PDE1C: variants seen among roughly 807,000 people sequenced by gnomAD.
PDE1C encodes the protein phosphodiesterase 1C, also known as dual specificity calcium/calmodulin-dependent 3',5'-cyclic nucleotide phosphodiesterase 1C.
Under a neutral mutation model 93.1 loss-of-function variants are expected in PDE1C, and 62 were observed. The ratio of observed to expected loss-of-function variants is 0.67; its 90% CI spans 0.54 to 0.82. The LOEUF (loss-of-function observed/expected upper bound fraction) is 0.82, where lower values mean the gene tolerates loss of function less well. Among genes scored for constraint, PDE1C ranks in the 40% least tolerant of loss-of-function variants. PDE1C has a pLI of 0.00. For missense variants in PDE1C, 742 were observed against 884.6 expected (o/e 0.84, Z 2.04); for synonymous variants, 325 against 310.1 (o/e 1.05, Z -0.50).
intron 3 of PDE1C, among the ~76,000 whole-genome samples, chr7:32,106,239 A>T (rs554365315): frequency 6.6e-6 from 1 of 152,042 alleles, no homozygotes; most frequent in South Asian, 2.1e-4. Flanking sequence ...GGCTGGTTTC[A>T]TGACCCTGGC....
rs377123566 is a variant in PDE1C at position 31,837,307 on chromosome 7, A to G, written c.1083-7T>C. On this transcript the variant is annotated splice_region_variant and splice_polypyrimidine_tract_variant and intron_variant, in intron 10 of 17. Transcript: ENST00000396191. ...GGCTTTTGGCTTTTCAATGCTGTAA[A>G]CCAAAAGCACCCAAACACATGATAA... is the stretch of plus-strand genomic sequence containing the variant. The G allele has an allele frequency of 2.3e-4, 369 of 1,602,208 alleles. No individual in the cohort carries two copies. Among genetic ancestry groups the G allele is most frequent in the Non-Finnish European group, 2.8e-4 (332 of 1,173,360 alleles).
At chr7:32,098,480 T>G (rs2128749034) in intron 3 of PDE1C, among the ~76,000 whole-genome samples, 1 of 152,222 alleles carries the variant, frequency 6.6e-6, no homozygotes, top group East Asian at 1.9e-4. Context: ...CTCATGGATT[T>G]TATTTAATCT....
chr7:32,103,670 A>T (rs532817923), intron 3 of PDE1C, among the ~76,000 whole-genome samples: 1 of 152,334 alleles, frequency 6.6e-6, no homozygotes, highest in African/African-American at 2.4e-5. Context: ...AATGCTCTTA[A>T]ATACAAACGG....
chr7:32,403,048 G>A (rs923703904), intron 1 of PDE1C, among the ~76,000 whole-genome samples: 4 of 152,178 alleles, frequency 2.6e-5, no homozygotes, highest in Non-Finnish European at 5.9e-5. Context: ...ATAGAGGTGA[G>A]AGCCTGGGAC....
intron 1 of PDE1C, among the ~76,000 whole-genome samples, chr7:32,426,567 G>C (rs963697031): frequency 4.6e-5 from 7 of 152,110 alleles, no homozygotes; most frequent in African/African-American, 1.7e-4. Context: ...CATTTTAAAA[G>C]AGCAGATTGT....
intron 1 of PDE1C, among the ~76,000 whole-genome samples, chr7:32,262,075 C>A (rs1256132395): frequency 6.9e-6 from 1 of 145,528 alleles, no homozygotes; most frequent in Non-Finnish European, 1.5e-5. Context: ...CATCAAAAAC[C>A]AGGTAGAGGG....
chr7:32,057,422 G>A (rs11984176), intron 1 of PDE1C, among the ~76,000 whole-genome samples: 9,355 of 152,248 alleles, frequency 0.061, 327 homozygotes, highest in Non-Finnish European at 0.072. Context: ...TGCACAACAG[G>A]GGACATGAAC....
intron 1 of PDE1C, among the ~76,000 whole-genome samples, chr7:32,420,126 C>CATATATATATAT (rs1785372790): frequency 2.8e-4 from 2 of 7,058 alleles, no homozygotes; most frequent in African/African-American, 7.6e-4. Flanking sequence ...TATATATATA[C>CATATATATATAT]ACACACACAC....
chr7:32,326,084 C>A (rs762865624), intron 1 of PDE1C, among the ~76,000 whole-genome samples: 30 of 152,080 alleles, frequency 2.0e-4, no homozygotes, highest in Non-Finnish European at 3.7e-4. Context: ...AGGATGACTT[C>A]AATGTTTTTG....
At chr7:31,929,793 G>C (rs752784050) in intron 2 of PDE1C, among the ~76,000 whole-genome samples, 2 of 152,214 alleles carry the variant, frequency 1.3e-5, no homozygotes, top group African/African-American at 2.4e-5. Context: ...GCAATGTTTA[G>C]AGGAAAATTT....
At chr7:32,205,593 A>C (rs1193463338) in intron 2 of PDE1C, among the ~76,000 whole-genome samples, 1 of 132,700 alleles carries the variant, frequency 7.5e-6, no homozygotes, top group East Asian at 2.0e-4. Context: ...AGAGAATAAA[A>C]GCAGGCCAAC....
chr7:32,318,692 C>T (rs867620425), intron 1 of PDE1C, among the ~76,000 whole-genome samples: 8 of 152,140 alleles, frequency 5.3e-5, no homozygotes, highest in Admixed American at 1.3e-4. Flanking sequence ...GGGCTGCGCG[C>T]GTGAGCAGGA....
At chr7:31,766,107 C>T (rs114678206) in intron 17 of PDE1C, among the ~76,000 whole-genome samples, 171 of 152,132 alleles carry the variant, frequency 1.1e-3, no homozygotes, top group African/African-American at 3.7e-3. Flanking sequence ...TGGTTGGGCC[C>T]GGCGCGGTGG....
chr7:32,266,994 C>T (rs1017640707), intron 1 of PDE1C, among the ~76,000 whole-genome samples: 6 of 152,322 alleles, frequency 3.9e-5, no homozygotes, highest in Middle Eastern at 3.4e-3. Flanking sequence ...GGCATTCTCA[C>T]GGTCCAGCAA....
intron 11 of PDE1C, among the ~76,000 whole-genome samples, chr7:31,834,662 C>G (rs1165418489): frequency 6.6e-6 from 1 of 151,766 alleles, no homozygotes; most frequent in African/African-American, 2.4e-5. Flanking sequence ...AATGCCTGTA[C>G]CCCCATTGTA....
At position 32,135,077 on chromosome 7, in the gene PDE1C, A is replaced by G. The variant is rs74527107; in HGVS notation, c.308+34708T>C. On this transcript the variant is annotated intron_variant, in intron 3 of 18. Transcript: ENST00000396193. ...GTGAAAGGGCAGAATAAAAAGGGCAATAAGAAGAGGCTGAGGAAAGAAAAG... is the reference window on the plus strand; with the variant it reads ...GTGAAAGGGCAGAATAAAAAGGGCAGTAAGAAGAGGCTGAGGAAAGAAAAG... 8.1e-3 allele frequency among the ~76,000 whole-genome samples: 1,231 copies of G among 152,314 alleles called. 28 individuals carry two copies. Among genetic ancestry groups the G allele is most frequent in the African/African-American group, 0.028 (1,164 of 41,560 alleles).
intron 2 of PDE1C, among the ~76,000 whole-genome samples, chr7:32,013,248 CACAA>C (rs758428043): frequency 1.4e-4 from 21 of 152,164 alleles, no homozygotes; most frequent in African/African-American, 4.3e-4. Context: ...CTACTAGAAA[CACAA>C]ACAGTTTAGA....
chr7:32,145,680 G>A (rs1202591322), intron 3 of PDE1C, among the ~76,000 whole-genome samples: 3 of 151,872 alleles, frequency 2.0e-5, no homozygotes, highest in Non-Finnish European at 2.9e-5. Flanking sequence ...ATTCAAAATA[G>A]TGCCTTGAAT....
the PDE1C span, chr7:31,653,060 C>T: frequency 9.1e-7 from 1 of 1,095,156 alleles, no homozygotes; most frequent in Non-Finnish European, 1.2e-6. Context: ...GCAACAGTGA[C>T]TAAATAGTAT....
Sources: gnomAD v4.1 joint callset for allele counts (sites outside exome capture counted in the v4.1 genomes callset) on GRCh38, gnomAD v4.1.1 for gene constraint, MANE v1.5 for transcripts, NCBI Gene and HGNC (gene_info 2026-07-23, HGNC 2026-07-21) for gene names.